Variants in DIAPH2 observed in about 807,000 individuals in gnomAD.
DIAPH2 encodes diaphanous related formin 2, also known as protein diaphanous homolog 2.
DIAPH2 carries 35 observed loss-of-function variants against 92.7 expected under a neutral mutation model. The observed-to-expected ratio is 0.38, with a 90% CI of 0.29 to 0.50. DIAPH2 has a LOEUF of 0.50. Ranked by LOEUF, DIAPH2 falls within the 20% of genes least tolerant of loss-of-function variation. DIAPH2 has a pLI of 0.94. For missense variants in DIAPH2, 701 were observed against 819.5 expected, an observed-to-expected ratio of 0.86 and a Z score of 1.77; for synonymous variants, 301 against 280.4, an observed-to-expected ratio of 1.07 and a Z score of -0.73.
At position 97,363,588 on chromosome X, in the gene DIAPH2, C is replaced by T. The variant is rs749638219; in HGVS notation, c.3009+15308C>T. On this transcript the variant is annotated intron_variant, in intron 24 of 26. Coordinates refer to ENST00000324765, the MANE Select transcript of DIAPH2 (RefSeq NM_006729.5). ...GGTTGAGGCAGGAGAATCACTTGAA[C>T]CTGGAAGGCGAAGGTTGCTGTGAGC... Among the ~76,000 whole-genome samples, 5 of 103,266 alleles carry T rather than the reference C, an allele frequency of 4.8e-5. No individual in the cohort carries two copies. The South Asian group carries it at 2.3e-3, about 48-fold the overall frequency. The allele number at this position is 103,266 out of a possible 115,157, so 89.7% of individuals were successfully genotyped here.
intron 4 of DIAPH2, among the ~76,000 whole-genome samples, chrX:96,806,122 A>G (rs1265996561): frequency 2.8e-5 from 3 of 107,170 alleles, no homozygotes; most frequent in African/African-American, 9.9e-5. Flanking sequence ...ACTGGTATAA[A>G]CACAGGTGTA....
At chrX:97,072,052 T>C (rs1346175361) in intron 17 of DIAPH2, among the ~76,000 whole-genome samples, 1 of 112,023 alleles carries the variant, frequency 8.9e-6, no homozygotes, top group Non-Finnish European at 1.9e-5. Context: ...GTTTTTATAT[T>C]GGAAAAGGTA....
chrX:97,026,883 C>T (rs2066338921), intron 17 of DIAPH2, among the ~76,000 whole-genome samples: 1 of 112,051 alleles, frequency 8.9e-6, no homozygotes, highest in South Asian at 3.7e-4. Flanking sequence ...GTTGATAATG[C>T]TTGTAAAATA....
intron 23 of DIAPH2, among the ~76,000 whole-genome samples, chrX:97,289,053 G>A (rs898507241): frequency 9.0e-6 from 1 of 111,653 alleles, no homozygotes; most frequent in African/African-American, 3.3e-5. Flanking sequence ...TTTTGAAGGT[G>A]CTTTTTGCTC....
chrX:97,285,266 G>A (rs763770456), intron 23 of DIAPH2, among the ~76,000 whole-genome samples: 246 of 108,024 alleles, frequency 2.3e-3, no homozygotes, highest in Non-Finnish European at 3.0e-3. Context: ...GGGGCCGGGC[G>A]CGGTGGCTCA....
intron 17 of DIAPH2, among the ~76,000 whole-genome samples, chrX:96,977,102 C>T (rs1330919285): frequency 9.0e-6 from 1 of 111,401 alleles, no homozygotes. Context: ...GTAATTTGTG[C>T]ATTTTGTTGC....
At chrX:97,376,920 A>G (rs1233654670) in intron 24 of DIAPH2, among the ~76,000 whole-genome samples, 2 of 112,324 alleles carry the variant, frequency 1.8e-5, no homozygotes, top group Non-Finnish European at 3.8e-5. Flanking sequence ...GTGTATCTAA[A>G]CATCTAAACA....
chrX:97,572,268 G>A (rs1460949618), intron 26 of DIAPH2, among the ~76,000 whole-genome samples: 5 of 111,237 alleles, frequency 4.5e-5, no homozygotes, highest in Non-Finnish European at 9.4e-5. Context: ...CTGATGAGAA[G>A]TAAACCAGCA....
chrX:97,419,187 G>A (rs150048339), intron 25 of DIAPH2, among the ~76,000 whole-genome samples: 3,091 of 111,623 alleles, frequency 0.028, 35 homozygotes, highest in Non-Finnish European at 0.039. Flanking sequence ...GGCCTCCTGA[G>A]TAGTGGAGGC....
intron 22 of DIAPH2, among the ~76,000 whole-genome samples, chrX:97,207,978 C>A (rs957480726): frequency 2.7e-5 from 3 of 110,705 alleles, no homozygotes; most frequent in African/African-American, 9.9e-5. Flanking sequence ...ATGGTGAAAC[C>A]CTGTCTCTAC....
chrX:96,775,533 A>C (rs752150717), intron 4 of DIAPH2, among the ~76,000 whole-genome samples: 23 of 110,928 alleles, frequency 2.1e-4, no homozygotes, highest in Non-Finnish European at 4.3e-4. Context: ...GCTCTTCATC[A>C]TACCAACTAG....
intron 22 of DIAPH2, among the ~76,000 whole-genome samples, chrX:97,160,600 C>T (rs954169849): frequency 7.2e-5 from 8 of 111,860 alleles, no homozygotes; most frequent in African/African-American, 2.3e-4. Flanking sequence ...AACTTATCAC[C>T]TACTGTCGTG....
At chrX:96,858,062 A>G (rs779402715) in intron 4 of DIAPH2, among the ~76,000 whole-genome samples, 1 of 112,565 alleles carries the variant, frequency 8.9e-6, no homozygotes, top group African/African-American at 3.2e-5. Flanking sequence ...TATGTGTGTG[A>G]GAATTCATTT....
intron 17 of DIAPH2, among the ~76,000 whole-genome samples, chrX:97,030,212 G>T (rs760832234): frequency 2.7e-5 from 3 of 111,490 alleles, no homozygotes; most frequent in African/African-American, 9.8e-5. Context: ...ATTCAAATCT[G>T]CAGCAAAACC....
chrX:97,345,935 G>A (rs1315463873), intron 23 of DIAPH2, among the ~76,000 whole-genome samples: 3 of 111,024 alleles, frequency 2.7e-5, no homozygotes, highest in Non-Finnish European at 3.8e-5. Flanking sequence ...GTAAAAAAGG[G>A]CCATTTATAT....
At chrX:97,429,158 T>A (rs907747354) in intron 25 of DIAPH2, among the ~76,000 whole-genome samples, 2 of 112,295 alleles carry the variant, frequency 1.8e-5, no homozygotes, top group African/African-American at 3.2e-5. Context: ...TAGGTAAGAA[T>A]TGAATGCAAA....
chrX:96,786,554 G>T (rs895566617), intron 4 of DIAPH2, among the ~76,000 whole-genome samples: 1 of 111,872 alleles, frequency 8.9e-6, no homozygotes, highest in Non-Finnish European at 1.9e-5. Flanking sequence ...GTAAACTATT[G>T]ATTCCAATTT....
chrX:97,511,921 T>C (rs751305314), intron 26 of DIAPH2, among the ~76,000 whole-genome samples: 1,851 of 112,808 alleles, frequency 0.016, 26 homozygotes, highest in African/African-American at 0.058. Flanking sequence ...CAGTATTTTA[T>C]TGAGGATTTT....
chrX:97,404,059 G>A (rs754642383), intron 25 of DIAPH2, among the ~76,000 whole-genome samples: 1 of 109,654 alleles, frequency 9.1e-6, no homozygotes, highest in South Asian at 4.1e-4. Context: ...CTCCATGTTG[G>A]TCAGGCTGGT....
Sources: allele counts gnomAD v4.1 joint callset (sites outside exome capture counted in the v4.1 genomes callset), GRCh38; gene constraint gnomAD v4.1.1; transcripts MANE v1.5; gene names NCBI Gene and HGNC (gene_info 2026-07-23, HGNC 2026-07-21).